The following NR4A3 variants were observed in gnomAD, a reference collection of about 807,000 sequenced individuals.
The protein encoded by NR4A3 is chondrosarcoma, extraskeletal myxoid, fused to EWS.
Under a neutral mutation model 55.6 loss-of-function variants are expected in NR4A3, and 13 were observed. The observed-to-expected ratio is 0.23, with a 90% CI of 0.15 to 0.37. The LOEUF is 0.37. Ranked by LOEUF, NR4A3 falls within the 10% of genes least tolerant of loss-of-function variation. The probability of loss-of-function intolerance (pLI) is 1.00; values close to 1 mark genes in which losing one functional copy is unlikely to be tolerated. For synonymous variants in NR4A3, 342 were observed against 357.9 expected, an observed-to-expected ratio of 0.96 and a Z score of 0.50; for missense variants, 646 against 822.8, an observed-to-expected ratio of 0.79 and a Z score of 2.63.
intron 5 of NR4A3, among the ~76,000 whole-genome samples, chr9:99,838,312 A>G (rs532047346): frequency 1.3e-5 from 2 of 152,344 alleles, no homozygotes; most frequent in South Asian, 4.1e-4. Flanking sequence ...AGACTTGCAA[A>G]TACGAGAGGT....
intron 7 of NR4A3, among the ~76,000 whole-genome samples, chr9:99,855,066 C>G (rs1466441668): frequency 1.3e-5 from 2 of 148,928 alleles, no homozygotes; most frequent in African/African-American, 5.0e-5. Flanking sequence ...AGTTGGATTC[C>G]TAGGTATTTT....
intron 3 of NR4A3, among the ~76,000 whole-genome samples, chr9:99,831,759 T>C (rs1827448072): frequency 6.6e-6 from 1 of 152,236 alleles, no homozygotes; most frequent in Non-Finnish European, 1.5e-5. Context: ...ATGTTTTCAA[T>C]TTAAAAAGCA....
Position 99,847,289 on chromosome 9 carries a change from T to A in NR4A3, c.1455-148T>A, listed in dbSNP as rs895087977. The A allele has an allele frequency of 5.6e-5, 39 of 693,596 alleles. No individual in the cohort carries two copies. The African/African-American group carries it at 7.0e-4, about 12-fold the overall frequency. The allele number at this position is 693,596 out of a possible 1,614,324, so 43.0% of individuals were successfully genotyped here. A position where few individuals can be genotyped will look rare whatever the true frequency, so the allele number is the denominator to read the frequency against. On this transcript the variant is annotated intron_variant, in intron 6 of 7. Transcript: ENST00000395097. ...TTTATCCCAGAGAACATAGTCTTATTCATTGTGGGTATCTGGCATGCTTCA... is the reference window on the plus strand; with the variant it reads ...TTTATCCCAGAGAACATAGTCTTATACATTGTGGGTATCTGGCATGCTTCA...
chr9:99,853,225 T>C (rs1827882643), intron 7 of NR4A3, among the ~76,000 whole-genome samples: 1 of 152,210 alleles, frequency 6.6e-6, no homozygotes, highest in South Asian at 2.1e-4. Context: ...TTATTTGTTT[T>C]ACACACTTCC....
Position 99,828,484 on chromosome 9 carries a change from T to A in NR4A3, c.442T>A (p.Phe148Ile), listed in dbSNP as rs146237875. ...SPPSTPTTPA[F>I]PPQAGALWDE... ...ACCGTCCACCCCCACCACGCCGGCC[T>A]TCCCCCCGCAGGCGGGGGCGTTATG... Residue 148 changes from phenylalanine (F) to isoleucine (I), a missense_variant, in exon 3 of 8, where the codon TTC (phenylalanine) becomes ATC (isoleucine). Transcript: ENST00000395097. The surrounding 1 kb of genome is among the most constrained non-coding windows in gnomAD (Gnocchi z 7.7). The A allele has an allele frequency of 8.6e-5, 124 of 1,446,968 alleles. No homozygotes were observed. The highest frequency in any genetic ancestry group is 1.1e-4 in the Non-Finnish European group (117 of 1,067,754). The allele number at this position is 1,446,968 out of a possible 1,614,324, so 89.6% of individuals were successfully genotyped here.
At chr9:99,838,426 C>G (rs931686204) in intron 5 of NR4A3, among the ~76,000 whole-genome samples, 13 of 152,154 alleles carry the variant, frequency 8.5e-5, no homozygotes, top group African/African-American at 3.1e-4. Flanking sequence ...ACAAGGTAAA[C>G]AGAATGAAGC....
chr9:99,826,779 C>T, intron 2 of NR4A3: 1 of 1,613,922 alleles, frequency 6.2e-7, no homozygotes, highest in Admixed American at 1.7e-5. Flanking sequence ...ACATGCATGA[C>T]TCAATCAGAT....
At position 99,828,704 on chromosome 9, in the gene NR4A3, T is replaced by G; in HGVS notation, c.662T>G (p.Leu221Arg). The G allele has an allele frequency of 2.3e-6, 3 of 1,317,908 alleles. No homozygotes were observed. The highest frequency in any genetic ancestry group is 2.9e-6 in the Non-Finnish European group (3 of 1,040,098). 81.6% of individuals were successfully genotyped at this position (1,317,908 alleles called of 1,614,324 possible). Reference protein sequence around the residue: ...LGYDPTAAAALSLPLGAAAAA... With the variant: ...LGYDPTAAAARSLPLGAAAAA... Reference sequence around the variant, plus strand: ...TACGACCCGACGGCCGCTGCCGCGCTCAGCCTGCCGCTGGGAGCCGCAGCC... The same window carrying G: ...TACGACCCGACGGCCGCTGCCGCGCGCAGCCTGCCGCTGGGAGCCGCAGCC... The change falls in exon 3 of 8, where the codon CTC becomes CGC. Residue 221 changes from leucine (L) to arginine (R), a missense_variant. Physicochemically the swap from Leu to Arg is moderately radical, Grantham distance 102. Transcript: ENST00000395097. This position sits in a 1 kb window ranked among gnomAD's most constrained non-coding sequence, Gnocchi z 7.7.
intron 7 of NR4A3, among the ~76,000 whole-genome samples, chr9:99,857,502 C>T (rs1431289848): frequency 1.3e-5 from 2 of 151,942 alleles, no homozygotes; most frequent in Admixed American, 6.6e-5. Context: ...AATAAGTGGT[C>T]GAGGCCAGGG....
At position 99,844,633 on chromosome 9, in the gene NR4A3, C is replaced by A. The variant is rs764193922; in HGVS notation, c.1255-16C>A. ...CTGAAGCAGGATAATGCTGCTCTCT[C>A]TGGTTTGCATTCTAGTACTGTCCCA... On this transcript the variant is annotated splice_polypyrimidine_tract_variant and intron_variant, in intron 5 of 7. Transcript: ENST00000395097. 3.7e-6 allele frequency: 6 copies of A among 1,612,188 alleles called. No homozygotes were observed. The highest frequency in any genetic ancestry group is 3.4e-6 in the Non-Finnish European group (4 of 1,178,360).
chr9:99,830,471 A>G (rs1679310027), intron 3 of NR4A3, among the ~76,000 whole-genome samples: 1 of 152,182 alleles, frequency 6.6e-6, no homozygotes, highest in African/African-American at 2.4e-5. Flanking sequence ...AGGGATATAC[A>G]TAGCAACAAG....
chr9:99,863,660 A>C lies in NR4A3; in HGVS notation c.1674A>C (p.Leu558=). The C allele has an allele frequency of 1.2e-6, 2 of 1,614,004 alleles. No homozygotes were observed. Among genetic ancestry groups the C allele is most frequent in the Middle Eastern group, 1.7e-4 (1 of 6,056 alleles). The change falls in exon 8 of 8, where the codon CTA becomes CTC. Residue 558 remains leucine (L), a synonymous_variant. Transcript: ENST00000395097. ...AAGAACCAAAGAGAGTCGAAGAGCT[A>C]TGCAACAAGATCACAAGCAGTTTAA... ...GLKEPKRVEE[L]CNKITSSLKD... is the part of the protein sequence containing the mutation.
At chr9:99,855,912 T>G (rs1020971355) in intron 7 of NR4A3, among the ~76,000 whole-genome samples, 1 of 152,102 alleles carries the variant, frequency 6.6e-6, no homozygotes, top group African/African-American at 2.4e-5. Context: ...TTGGTGGGGC[T>G]CCTGATGGTT....
At chr9:99,840,406 G>A (rs1027937646) in intron 5 of NR4A3, among the ~76,000 whole-genome samples, 2 of 152,216 alleles carry the variant, frequency 1.3e-5, no homozygotes, top group Non-Finnish European at 2.9e-5. Context: ...GTTGAGTTGT[G>A]AGCCATGGAT....
chr9:99,843,856 C>T (rs554439568), intron 5 of NR4A3, among the ~76,000 whole-genome samples: 108 of 152,032 alleles, frequency 7.1e-4, no homozygotes, highest in African/African-American at 2.1e-3. Context: ...CAGGTTCAAG[C>T]GATTCTCGTG....
Position 99,842,104 on chromosome 9 carries a change from T to C in NR4A3, c.1255-2545T>C, listed in dbSNP as rs1372837113. Among the ~76,000 whole-genome samples the C allele has an allele frequency of 5.6e-5, 8 of 142,198 alleles. No homozygotes were observed. In the East Asian group the frequency reaches 1.6e-3, roughly 28 times the overall value. 93.3% of individuals were successfully genotyped at this position (142,198 alleles called of 152,430 possible). ...AATTGAGATTAAAGTAGCTGGACTC[T>C]CTGATTTTTTTTTTTTTTTTTTTAG... is the stretch of plus-strand genomic sequence containing the variant. On this transcript the variant is annotated intron_variant, in intron 5 of 7. Transcript: ENST00000395097.
At chr9:99,834,929 A>C in intron 5 of NR4A3, 1 of 985,042 alleles carries the variant, frequency 1.0e-6, no homozygotes, top group Non-Finnish European at 1.2e-6. Flanking sequence ...GCAGAATAAT[A>C]AGACTAAGTT....
chr9:99,851,600 C>G (rs1196133482), intron 7 of NR4A3, among the ~76,000 whole-genome samples: 3 of 151,998 alleles, frequency 2.0e-5, no homozygotes. Flanking sequence ...TCATGAAAAA[C>G]TAGGCGGTGA....
At position 99,828,450 on chromosome 9, in the gene NR4A3, G is replaced by A. The variant is rs767882587; in HGVS notation, c.408G>A (p.Lys136=). The change falls in exon 3 of 8, where the codon AAG becomes AAA. Residue 136 remains lysine (K), a synonymous_variant. Transcript: ENST00000395097. This position sits in a 1 kb window ranked among gnomAD's most constrained non-coding sequence, Gnocchi z 7.7. The part of the protein sequence containing the change: ...EVLPSTSMYF[K]QSPPSTPTTP... ...TGCCCAGCACCTCCATGTACTTCAA[G>A]CAGTCCCCACCGTCCACCCCCACCA... 1.3e-6 allele frequency: 2 copies of A among 1,580,578 alleles called. No homozygotes were observed. Among genetic ancestry groups the A allele is most frequent in the African/African-American group, 1.3e-5 (1 of 74,236 alleles).
Sources: gnomAD v4.1 joint callset for allele counts (sites outside exome capture counted in the v4.1 genomes callset) on GRCh38, gnomAD v4.1.1 for gene constraint, Gnocchi (gnomAD v3.1) non-coding constraint, MANE v1.5 for transcripts, NCBI Gene and HGNC (gene_info 2026-07-23, HGNC 2026-07-21) for gene names.